The following CEP44 variants were observed in gnomAD, a reference collection of about 807,000 sequenced individuals.
The protein encoded by CEP44 is centrosomal protein 44.
Under a neutral mutation model 46.7 loss-of-function variants are expected in CEP44, and 45 were observed. The observed-to-expected ratio is 0.96, with a 90% CI of 0.76 to 1.24. The LOEUF is 1.24. Among genes scored for constraint, CEP44 ranks in the 50% most tolerant of loss-of-function variants. The pLI is 0.00. For synonymous variants in CEP44, 142 were observed against 146.0 expected (o/e 0.97, Z 0.20); for missense variants, 475 against 459.7 (o/e 1.03, Z -0.30).
Position 174,289,583 on chromosome 4 carries a change from C to T in CEP44, c.-148+5640C>T, listed in dbSNP as rs1455116854. Among the ~76,000 whole-genome samples the T allele has an allele frequency of 2.0e-5, 3 of 151,682 alleles. No homozygotes were observed. The East Asian group carries it at 5.8e-4, about 29-fold the overall frequency. ...ATGATACTTTTTATATCTGTGGGATCAATTGTGTCCTCTTTCATTTCTGAT... is the reference window on the plus strand; with the variant it reads ...ATGATACTTTTTATATCTGTGGGATTAATTGTGTCCTCTTTCATTTCTGAT... On this transcript the variant is annotated intron_variant, in intron 1 of 11. Transcript: ENST00000503780.
In CEP44 at chr4:174,309,232, C is replaced by G. The variant is rs1740801386; in HGVS notation, c.678+373C>G. Among the ~76,000 whole-genome samples the G allele has an allele frequency of 6.6e-6, 1 of 151,938 alleles. No homozygotes were observed. Among genetic ancestry groups the G allele is most frequent in the African/African-American group, 2.4e-5 (1 of 41,398 alleles). On this transcript the variant is annotated intron_variant, in intron 7 of 11. Coordinates refer to ENST00000503780, the MANE Select transcript of CEP44 (RefSeq NM_001040157.3). The surrounding 1 kb of genome is among the most constrained non-coding windows in gnomAD (Gnocchi z 5.3). ...TGGCACTTTATTGCCTATTCATTTT[C>G]CTTTCTGGGTCCCTGCTGTTATTTT...
chr4:174,323,984 T>C (rs923616777), downstream of CEP44, among the ~76,000 whole-genome samples: 3 of 152,324 alleles, frequency 2.0e-5, no homozygotes, highest in East Asian at 5.8e-4. Flanking sequence ...CTTTTCGCTA[T>C]GTAGGTTTTA....
Position 174,317,894 on chromosome 4 carries a change from C to G in CEP44, c.*511C>G. On this transcript the variant is annotated 3_prime_UTR_variant, in exon 12 of 12. Transcript: ENST00000503780. The stretch of plus-strand genomic sequence containing the variant: ...AAAAGGCAGTTATTTCATGCTTGGT[C>G]AAAAACATCAATACCTTTCCAATTA... 1.0e-6 allele frequency: 1 copy of G among 985,548 alleles called. No homozygotes were observed. Among genetic ancestry groups the G allele is most frequent in the Non-Finnish European group, 1.2e-6 (1 of 829,876 alleles). 61.1% of individuals were successfully genotyped at this position (985,548 alleles called of 1,614,324 possible).
intron 2 of CEP44, among the ~76,000 whole-genome samples, chr4:174,298,360 A>G (rs944903289): frequency 2.0e-5 from 3 of 151,160 alleles, no homozygotes; most frequent in Admixed American, 6.6e-5. Context: ...TATTTTTAGT[A>G]GAGACGGGGT....
chr4:174,322,401 C>G (rs1028468597), downstream of CEP44, among the ~76,000 whole-genome samples: 1 of 152,054 alleles, frequency 6.6e-6, no homozygotes, highest in African/African-American at 2.4e-5. Context: ...TGGTAGAATT[C>G]TACTCATCAT....
intron 9 of CEP44, among the ~76,000 whole-genome samples, chr4:174,315,650 A>C (rs1280943650): frequency 1.3e-5 from 2 of 152,076 alleles, no homozygotes; most frequent in Non-Finnish European, 2.9e-5. Flanking sequence ...ATTTTAAGAA[A>C]AGAATACGGT....
Position 174,319,430 on chromosome 4 carries a change from A to T in CEP44, c.*2047A>T. ...CAAGTGATTTCCCATCAAACAGGAT[A>T]ATATTTTTTCCCTTTTGAAAAATTC... is the stretch of plus-strand genomic sequence containing the variant. On this transcript the variant is annotated 3_prime_UTR_variant, in exon 12 of 12. Transcript: ENST00000503780. The T allele has an allele frequency of 1.0e-6, 1 of 982,094 alleles. No homozygotes were observed. Among genetic ancestry groups the T allele is most frequent in the Non-Finnish European group, 1.2e-6 (1 of 826,864 alleles). The allele number at this position is 982,094 out of a possible 1,614,324, so 60.8% of individuals were successfully genotyped here.
intron 1 of CEP44, among the ~76,000 whole-genome samples, chr4:174,295,172 C>T (rs1297204588): frequency 2.0e-5 from 3 of 151,294 alleles, no homozygotes; most frequent in African/African-American, 4.9e-5. Flanking sequence ...CGGGCAGAGA[C>T]GCTCCTCACT....
At chr4:174,308,942 TATTTCTAGCCTTTTG>T in intron 7 of CEP44, 83 bp downstream of exon 7, 1 of 1,182,378 alleles carries the variant, frequency 8.5e-7, no homozygotes, top group Non-Finnish European at 1.2e-6. Context: ...AACTTTGGAA[TATTTCTAGCCTTTTG>T]AATTATTAAT....
At position 174,299,089 on chromosome 4, in the gene CEP44, T is replaced by G; in HGVS notation, c.-33T>G. Reference sequence around the variant, plus strand: ...ATTTTCAGGTGAAAAATTAGACGATTTCAAGAATTGGAGCTGAATCTGATG... The same window carrying G: ...ATTTTCAGGTGAAAAATTAGACGATGTCAAGAATTGGAGCTGAATCTGATG... On this transcript the variant is annotated 5_prime_UTR_variant, in exon 3 of 12. The change creates a new upstream start codon in the 5' untranslated region. Transcript: ENST00000503780. The G allele has an allele frequency of 6.4e-7, 1 of 1,574,080 alleles. No individual in the cohort carries two copies. Among genetic ancestry groups the G allele is most frequent in the Non-Finnish European group, 8.7e-7 (1 of 1,150,294 alleles).
rs1560896699 is a variant in CEP44, at chr4:174,299,109, C to G, written c.-13C>G. 2 of 1,605,286 alleles carry G rather than the reference C, an allele frequency of 1.2e-6. No homozygotes were observed. Among genetic ancestry groups the G allele is most frequent in the African/African-American group, 2.7e-5 (2 of 74,508 alleles). On this transcript the variant is annotated 5_prime_UTR_variant, in exon 3 of 12. The change creates a new upstream start codon in the 5' untranslated region. Coordinates refer to ENST00000503780, the MANE Select transcript of CEP44 (RefSeq NM_001040157.3). Reference sequence around the variant, plus strand: ...ACGATTTCAAGAATTGGAGCTGAATCTGATGTTAAGTAATGGCAACAGGTG... The same window carrying G: ...ACGATTTCAAGAATTGGAGCTGAATGTGATGTTAAGTAATGGCAACAGGTG...
rs1739442637 is a variant in CEP44, at chr4:174,299,296, C to G, written c.89+86C>G. On this transcript the variant is annotated intron_variant, in intron 3 of 11. Transcript: ENST00000503780. ...ACATGGGGGACTACCTGAGAAAAAT[C>G]AGATTTTACCTGGTTCCTATTTAAA... 4 of 1,014,008 alleles carry G rather than the reference C, an allele frequency of 3.9e-6. 1 individual carries two copies. The South Asian group carries it at 6.8e-5, about 17-fold the overall frequency. The allele number at this position is 1,014,008 out of a possible 1,614,324, so 62.8% of individuals were successfully genotyped here. A position where few individuals can be genotyped will look rare whatever the true frequency, so the allele number is the denominator to read the frequency against.
At chr4:174,291,013 C>T (rs1394177834) in intron 1 of CEP44, among the ~76,000 whole-genome samples, 1 of 152,162 alleles carries the variant, frequency 6.6e-6, no homozygotes, top group Non-Finnish European at 1.5e-5. Context: ...TCAATCCCTT[C>T]ACTTTTAGCC....
At position 174,331,798 on chromosome 4, in the gene CEP44, A is replaced by C; in HGVS notation, c.*203A>C. 1 of 595,774 alleles carries C rather than the reference A, an allele frequency of 1.7e-6. No individual in the cohort carries two copies. Among genetic ancestry groups the C allele is most frequent in the Non-Finnish European group, 2.6e-6 (1 of 389,812 alleles). The allele number at this position is 595,774 out of a possible 1,614,324, so 36.9% of individuals were successfully genotyped here. The stretch of plus-strand genomic sequence containing the variant: ...GTTGTTTGTCTAATTTCTATTTTCC[A>C]GAAATTTCTCAAAATGTCTGCTGAT... On this transcript the variant is annotated 3_prime_UTR_variant, in exon 9 of 9. Transcript: ENST00000426172. The surrounding 1 kb of genome is among the most constrained non-coding windows in gnomAD (Gnocchi z 4.5).
intron 4 of CEP44, among the ~76,000 whole-genome samples, 198 bp downstream of exon 4, chr4:174,302,384 A>G (rs539731785): frequency 6.6e-6 from 1 of 152,308 alleles, no homozygotes; most frequent in African/African-American, 2.4e-5. Context: ...ACCTATTCTA[A>G]TAAATACAGC....
At position 174,319,530 on chromosome 4, in the gene CEP44, T is replaced by G; in HGVS notation, c.*2147T>G. On this transcript the variant is annotated 3_prime_UTR_variant, in exon 12 of 12. Coordinates refer to ENST00000503780, the MANE Select transcript of CEP44 (RefSeq NM_001040157.3). Reference sequence around the variant, plus strand: ...AAGTTAAGTCTCTTTCTACCCTTTCTTTTTTTCTTTATATAGTGCAGATAT... The same window carrying G: ...AAGTTAAGTCTCTTTCTACCCTTTCGTTTTTTCTTTATATAGTGCAGATAT... 1.2e-6 allele frequency: 1 copy of G among 864,030 alleles called. No individual in the cohort carries two copies. The highest frequency in any genetic ancestry group is 5.3e-5 in the South Asian group (1 of 18,694). 53.5% of individuals were successfully genotyped at this position (864,030 alleles called of 1,614,324 possible). A position where few individuals can be genotyped will look rare whatever the true frequency, so the allele number is the denominator to read the frequency against.
At position 174,311,176 on chromosome 4, in the gene CEP44, T is replaced by C. The variant is rs1355811349; in HGVS notation, c.961+318T>C. Among the ~76,000 whole-genome samples the C allele has an allele frequency of 7.9e-5, 12 of 152,028 alleles. No individual in the cohort carries two copies. The highest frequency in any genetic ancestry group is 2.9e-4 in the African/African-American group (12 of 41,530). The stretch of plus-strand genomic sequence containing the variant: ...GCCTCCAAGTTTTTAAATTTAAGCT[T>C]AGGTAGGTAGTAGCTTTCTCATATG... On this transcript the variant is annotated intron_variant, in intron 9 of 11. Transcript: ENST00000503780. The surrounding 1 kb of genome is among the most constrained non-coding windows in gnomAD (Gnocchi z 4.4).
rs1738100101 is a variant in CEP44, at chr4:174,290,706, AT to A, written c.-148+6765del. Among the ~76,000 whole-genome samples the A allele has an allele frequency of 6.6e-6, 1 of 152,096 alleles. No individual in the cohort carries two copies. The highest frequency in any genetic ancestry group is 6.5e-5 in the Admixed American group (1 of 15,268). ...AATTCTATCAATATTTGCTGTTGGCATTCTGTCTGGATGACCTGTACATTAT... is the reference window on the plus strand; with the variant it reads ...AATTCTATCAATATTTGCTGTTGGCATCTGTCTGGATGACCTGTACATTAT... On this transcript the variant is annotated intron_variant, in intron 1 of 11. Coordinates refer to ENST00000503780, the MANE Select transcript of CEP44 (RefSeq NM_001040157.3). This position sits in a 1 kb window ranked among gnomAD's most constrained non-coding sequence, Gnocchi z 4.3.
chr4:174,318,112 G>A lies in CEP44; in HGVS notation c.*729G>A, dbSNP rs1741943353. 3.1e-6 allele frequency: 3 copies of A among 964,082 alleles called. No homozygotes were observed. The highest frequency in any genetic ancestry group is 3.5e-5 in the African/African-American group (2 of 56,870). 59.7% of individuals were successfully genotyped at this position (964,082 alleles called of 1,614,324 possible). On this transcript the variant is annotated 3_prime_UTR_variant, in exon 12 of 12. Coordinates refer to ENST00000503780, the MANE Select transcript of CEP44 (RefSeq NM_001040157.3). ...GAGTTTCGCTGTTGTTGCCCAGGCT[G>A]GAGTGCAATAGCACGATCTTGGCTC...
Sources: allele counts gnomAD v4.1 joint callset (sites outside exome capture counted in the v4.1 genomes callset), GRCh38; gene constraint gnomAD v4.1.1; non-coding constraint Gnocchi (gnomAD v3.1); transcripts MANE v1.5; gene names NCBI Gene and HGNC (gene_info 2026-07-23, HGNC 2026-07-21).